RGS6: variants seen among roughly 807,000 people sequenced by gnomAD.
RGS6 encodes regulator of G protein signaling 6.
Under a neutral mutation model 78.5 loss-of-function variants are expected in RGS6, and 30 were observed. The observed-to-expected ratio is 0.38, with a 90% CI of 0.29 to 0.52. The LOEUF (loss-of-function observed/expected upper bound fraction) is 0.52, where lower values mean the gene tolerates loss of function less well. Among genes scored for constraint, RGS6 ranks in the 20% least tolerant of loss-of-function variants. The pLI, the probability that RGS6 is intolerant of heterozygous loss-of-function variation, is 0.85. For missense variants in RGS6, 495 were observed against 609.7 expected (o/e 0.81, Z 1.98); for synonymous variants, 206 against 206.0 (o/e 1.00, Z 0.00).
intron 2 of RGS6, among the ~76,000 whole-genome samples, chr14:72,138,085 A>G (rs1040852942): frequency 6.6e-6 from 1 of 152,182 alleles, no homozygotes; most frequent in African/African-American, 2.4e-5. Context: ...AGGGATGAAG[A>G]CCAAATATAT....
chr14:72,476,439 C>T (rs892058420), intron 10 of RGS6, among the ~76,000 whole-genome samples: 1 of 152,198 alleles, frequency 6.6e-6, no homozygotes, highest in Non-Finnish European at 1.5e-5. Context: ...CGTGTCTTTT[C>T]CAAGCACACC....
chr14:72,149,397 C>T (rs1048676945), intron 2 of RGS6, among the ~76,000 whole-genome samples: 1 of 152,228 alleles, frequency 6.6e-6, no homozygotes, highest in East Asian at 1.9e-4. Context: ...GTTTTAAAAC[C>T]ACCACATGGC....
chr14:72,491,851 G>T (rs1025932688), intron 12 of RGS6, among the ~76,000 whole-genome samples: 2 of 152,142 alleles, frequency 1.3e-5, no homozygotes, highest in African/African-American at 4.8e-5. Flanking sequence ...TGAGGCATGG[G>T]GCTAACAGCA....
intron 3 of RGS6, among the ~76,000 whole-genome samples, chr14:72,413,207 C>G (rs1190904201): frequency 6.6e-6 from 1 of 152,194 alleles, no homozygotes; most frequent in Non-Finnish European, 1.5e-5. Context: ...GAGTCTAAGT[C>G]TCTTTGTAGG....
In RGS6 at chr14:71,980,653, C is replaced by G. The variant is rs1022994115; in HGVS notation, c.84+15778C>G. Among the ~76,000 whole-genome samples the G allele has an allele frequency of 4.8e-5, 4 of 82,492 alleles. 1 individual carries two copies. The highest frequency in any genetic ancestry group is 2.2e-4 in the African/African-American group (4 of 17,804). The allele number at this position is 82,492 out of a possible 152,430, so 54.1% of individuals were successfully genotyped here. A position where few individuals can be genotyped will look rare whatever the true frequency, so the allele number is the denominator to read the frequency against. On this transcript the variant is annotated intron_variant, in intron 2 of 17. Transcript: ENST00000553525. Reference sequence around the variant, plus strand: ...TCCGGTGTTAGTCTGATGGGCTTCCCTTTGAGGGTAACCCGACCTTTCTCT... The same window carrying G: ...TCCGGTGTTAGTCTGATGGGCTTCCGTTTGAGGGTAACCCGACCTTTCTCT...
intron 2 of RGS6, among the ~76,000 whole-genome samples, chr14:72,036,228 T>TATG (rs1567067274): frequency 6.6e-6 from 1 of 150,896 alleles, no homozygotes; most frequent in Admixed American, 6.6e-5. Context: ...TTATTATTAT[T>TATG]ATGGCTGAGC....
the RGS6 span, among the ~76,000 whole-genome samples, chr14:72,624,333 CT>C: frequency 0.36 from 34,986 of 96,344 alleles, 4,679 homozygotes; most frequent in East Asian, 0.54. Flanking sequence ...ACCTATGTCT[CT>C]TTTTTTTTTT....
At chr14:72,401,385 G>A (rs1286264716) in intron 3 of RGS6, among the ~76,000 whole-genome samples, 1 of 151,872 alleles carries the variant, frequency 6.6e-6, no homozygotes, top group Non-Finnish European at 1.5e-5. Flanking sequence ...CAGTTAGCTG[G>A]GTGAGTGGTT....
At chr14:72,069,460 C>T (rs944336371) in intron 2 of RGS6, among the ~76,000 whole-genome samples, 3 of 152,058 alleles carry the variant, frequency 2.0e-5, no homozygotes, top group Non-Finnish European at 2.9e-5. Flanking sequence ...TTTTAACTCC[C>T]GTTTTCCTCT....
chr14:72,095,269 A>G lies in RGS6; in HGVS notation c.84+130394A>G, dbSNP rs527346248. On this transcript the variant is annotated intron_variant, in intron 2 of 17. Transcript: ENST00000553525. Reference sequence around the variant, plus strand: ...GCTGCAGGTAATAGAAAACTGAATCATTGGTGGTTTTAGCAAGTAGGTTTT... The same window carrying G: ...GCTGCAGGTAATAGAAAACTGAATCGTTGGTGGTTTTAGCAAGTAGGTTTT... Among the ~76,000 whole-genome samples, 4 of 152,222 alleles carry G rather than the reference A, an allele frequency of 2.6e-5. No individual in the cohort carries two copies. The South Asian group carries it at 8.3e-4, about 32-fold the overall frequency.
Position 72,056,852 on chromosome 14 carries a change from G to T in RGS6, c.84+91977G>T, listed in dbSNP as rs900495428. On this transcript the variant is annotated intron_variant, in intron 2 of 17. Transcript: ENST00000553525. ...TAATTCCATTTGTGAGCAGATGGTA[G>T]CTTGTCAAGGAAACATTTGATCATG... Among the ~76,000 whole-genome samples, 7 of 152,314 alleles carry T rather than the reference G, an allele frequency of 4.6e-5. No individual in the cohort carries two copies. The East Asian group carries it at 1.3e-3, about 29-fold the overall frequency.
At chr14:71,968,831 A>C (rs1207218646) in intron 2 of RGS6, among the ~76,000 whole-genome samples, 5 of 152,116 alleles carry the variant, frequency 3.3e-5, no homozygotes, top group African/African-American at 1.2e-4. Context: ...TTTTTTATTG[A>C]TTTTTAAAAA....
At chr14:72,383,213 T>TATATAA (rs1387301746) in intron 3 of RGS6, among the ~76,000 whole-genome samples, 2 of 118,338 alleles carry the variant, frequency 1.7e-5, no homozygotes, top group Non-Finnish European at 3.5e-5. Flanking sequence ...TATATATATA[T>TATATAA]ACACACAAAC....
intron 2 of RGS6, among the ~76,000 whole-genome samples, chr14:72,210,491 T>C (rs2043836078): frequency 6.6e-6 from 1 of 152,168 alleles, no homozygotes; most frequent in Non-Finnish European, 1.5e-5. Context: ...AGGAAAATAA[T>C]GTTTGTCATT....
chr14:72,388,715 T>C (rs1045540555), intron 3 of RGS6, among the ~76,000 whole-genome samples: 1 of 152,220 alleles, frequency 6.6e-6, no homozygotes, highest in African/African-American at 2.4e-5. Flanking sequence ...AGTTTGACTC[T>C]GAAGCCGCAC....
intron 3 of RGS6, among the ~76,000 whole-genome samples, chr14:72,427,567 A>G (rs568482283): frequency 6.6e-6 from 1 of 152,202 alleles, no homozygotes; most frequent in African/African-American, 2.4e-5. Flanking sequence ...GTAGTTTGTT[A>G]TACTCATTTT....
intron 2 of RGS6, among the ~76,000 whole-genome samples, chr14:72,194,451 G>A (rs931783816): frequency 6.5e-5 from 4 of 61,634 alleles, no homozygotes; most frequent in South Asian, 5.1e-4. Context: ...GCTCACTGCA[G>A]TCTCAAGCTC....
chr14:72,172,557 A>G (rs140426720), intron 2 of RGS6, among the ~76,000 whole-genome samples: 111 of 152,170 alleles, frequency 7.3e-4, no homozygotes, highest in African/African-American at 2.5e-3. Flanking sequence ...TTCAGGTGGT[A>G]TTTGGTTGAC....
At position 72,049,860 on chromosome 14, in the gene RGS6, G is replaced by C. The variant is rs111679562; in HGVS notation, c.84+84985G>C. Among the ~76,000 whole-genome samples, 702 of 152,220 alleles carry C rather than the reference G, an allele frequency of 4.6e-3. 9 individuals are homozygous for C. The highest frequency in any genetic ancestry group is 0.016 in the African/African-American group (679 of 41,524). ...CTCTAAAAATTTATTTTGAAGATAT[G>C]CTGTATCAAAAGCAATTTAAGAAAG... On this transcript the variant is annotated intron_variant, in intron 2 of 17. Transcript: ENST00000553525.
Sources: gnomAD v4.1 joint callset for allele counts (sites outside exome capture counted in the v4.1 genomes callset) on GRCh38, gnomAD v4.1.1 for gene constraint, MANE v1.5 for transcripts, NCBI Gene and HGNC (gene_info 2026-07-23, HGNC 2026-07-21) for gene names.